Variants in VAV2 observed in about 807,000 individuals in gnomAD.
VAV2 encodes the protein vav guanine nucleotide exchange factor 2, also known as guanine nucleotide exchange factor VAV2.
A neutral mutation model predicts 132.5 loss-of-function variants in VAV2; 67 were observed. That is an observed-to-expected ratio of 0.51 (90% confidence interval 0.42 to 0.62). VAV2 has a LOEUF of 0.62. Ranked by LOEUF, VAV2 falls within the 20% of genes least tolerant of loss-of-function variation. The probability of loss-of-function intolerance (pLI) is 0.00; values close to 1 mark genes in which losing one functional copy is unlikely to be tolerated. For synonymous variants in VAV2, 492 were observed against 443.5 expected (o/e 1.11, Z -1.37); for missense variants, 938 against 1,153.6 (o/e 0.81, Z 2.71).
At chr9:133,893,689 C>G (rs1026224123) in intron 2 of VAV2, among the ~76,000 whole-genome samples, 1 of 152,206 alleles carries the variant, frequency 6.6e-6, no homozygotes, top group African/African-American at 2.4e-5. Flanking sequence ...AGCCTTCCTC[C>G]GTCGCCACAC....
Position 133,783,597 on chromosome 9 carries a change from C to A in VAV2, c.1635-6G>T. On this transcript the variant is annotated splice_region_variant and splice_polypyrimidine_tract_variant and intron_variant, in intron 18 of 29. Coordinates refer to ENST00000371850, the MANE Select transcript of VAV2 (RefSeq NM_001134398.2). ...ATCCCTGGTAGAAGGTGCCCCTGCA[C>A]AGGGGAGGGCAGGAGGTGAGGTCGA... 2 of 1,613,858 alleles carry A rather than the reference C, an allele frequency of 1.2e-6. No individual in the cohort carries two copies. Among genetic ancestry groups the A allele is most frequent in the Non-Finnish European group, 1.7e-6 (2 of 1,179,898 alleles).
intron 2 of VAV2, among the ~76,000 whole-genome samples, chr9:133,866,179 T>C (rs1837793510): frequency 6.6e-6 from 1 of 152,238 alleles, no homozygotes; most frequent in South Asian, 2.1e-4. Context: ...GGAGCCAAGC[T>C]GGCCTGGCTC....
At chr9:133,837,269 C>T (rs945214983) in intron 3 of VAV2, among the ~76,000 whole-genome samples, 1 of 152,218 alleles carries the variant, frequency 6.6e-6, no homozygotes, top group East Asian at 1.9e-4. Flanking sequence ...AGGGCACTTT[C>T]CACTGCCCAA....
chr9:133,797,391 G>A (rs1353994852), intron 10 of VAV2, among the ~76,000 whole-genome samples: 3 of 150,910 alleles, frequency 2.0e-5, no homozygotes, highest in Non-Finnish European at 4.4e-5. Flanking sequence ...CCAGCAAATG[G>A]CACCTGGGGC....
rs531006295 is a variant in VAV2, at chr9:133,786,261, T to C, written c.1423-376A>G. On this transcript the variant is annotated intron_variant, in intron 16 of 29. Transcript: ENST00000371850. ...AGTGTGCCCAGTGCTCCTGTGAGCA[T>C]GTGCACACACACACTTGTATCTGTC... Among the ~76,000 whole-genome samples, 6 of 152,362 alleles carry C rather than the reference T, an allele frequency of 3.9e-5. No individual in the cohort carries two copies. In the East Asian group the frequency reaches 1.2e-3, roughly 29 times the overall value.
intron 2 of VAV2, among the ~76,000 whole-genome samples, chr9:133,873,493 C>T (rs906184893): frequency 2.0e-5 from 3 of 152,220 alleles, no homozygotes; most frequent in African/African-American, 4.8e-5. Flanking sequence ...CACAGTGCTC[C>T]GGGCAGACGC....
chr9:133,808,972 G>T (rs1049982033), intron 7 of VAV2, 68 bp downstream of exon 7: 50 of 1,437,868 alleles, frequency 3.5e-5, no homozygotes, highest in Non-Finnish European at 4.7e-5. Flanking sequence ...GCACTCCCAG[G>T]AGATAGGTGG....
chr9:133,827,086 G>T (rs1240906377), intron 4 of VAV2, among the ~76,000 whole-genome samples: 1 of 152,188 alleles, frequency 6.6e-6, no homozygotes, highest in African/African-American at 2.4e-5. Flanking sequence ...GTGCCAGGAG[G>T]GGGACAGAGG....
chr9:133,931,302 G>A (rs560237361), intron 2 of VAV2, among the ~76,000 whole-genome samples: 5 of 152,344 alleles, frequency 3.3e-5, no homozygotes. Context: ...CCAGCAGCAG[G>A]AGGGGCTGAA....
rs1201519746 is a variant in VAV2, at chr9:133,822,555, A to AC, written c.450-10340dup. 4.6e-5 allele frequency among the ~76,000 whole-genome samples: 7 copies of AC among 152,252 alleles called. No homozygotes were observed. In the South Asian group the frequency reaches 1.5e-3, roughly 32 times the overall value. On this transcript the variant is annotated intron_variant, in intron 4 of 29. Transcript: ENST00000371850. Reference sequence around the variant, plus strand: ...TTCTCACACGCCCTGGCAGACCCTCACCACGACCCATGAGGGAGGGAGGCC... The same window carrying AC: ...TTCTCACACGCCCTGGCAGACCCTCACCCACGACCCATGAGGGAGGGAGGCC...
At position 133,770,415 on chromosome 9, in the gene VAV2, C is replaced by T; in HGVS notation, c.2310G>A (p.Arg770=). Residue 770 remains arginine, a synonymous_variant, in exon 27 of 30, where the codon CGG becomes CGA. Coordinates refer to ENST00000371850, the MANE Select transcript of VAV2 (RefSeq NM_001134398.2). ...TGGAGGCCCTGGAGGCCGAACGTTC[C>T]CGGGACTTGTAGGGGTACTTGAGTG... ...DTTLKYPYKS[R]ERSASRASSR... 1 of 1,614,158 alleles carries T rather than the reference C, an allele frequency of 6.2e-7. No homozygotes were observed. Among genetic ancestry groups the T allele is most frequent in the Non-Finnish European group, 8.5e-7 (1 of 1,179,990 alleles).
intron 13 of VAV2, among the ~76,000 whole-genome samples, chr9:133,790,998 C>G (rs1432247349): frequency 6.6e-6 from 1 of 152,144 alleles, no homozygotes; most frequent in Non-Finnish European, 1.5e-5. Flanking sequence ...GGGGGTGCTA[C>G]TGGTGTCTGG....
At chr9:133,990,451 G>C (rs770087285) in intron 1 of VAV2, among the ~76,000 whole-genome samples, 1 of 152,122 alleles carries the variant, frequency 6.6e-6, no homozygotes, top group Admixed American at 6.5e-5. Flanking sequence ...CCAAACCACA[G>C]CTGGGGAGGG....
rs1834984812 is a variant in VAV2 at position 133,802,758 on chromosome 9, C to T, written c.836+3323G>A. ...ATTTTCCTCATGGTATCACCTCTGC[C>T]TCCAGTCCACACAGCCCCAACCTCT... is the stretch of plus-strand genomic sequence containing the variant. On this transcript the variant is annotated intron_variant, in intron 9 of 29. Coordinates refer to ENST00000371850, the MANE Select transcript of VAV2 (RefSeq NM_001134398.2). The surrounding 1 kb of genome is among the most constrained non-coding windows in gnomAD (Gnocchi z 5.8). Among the ~76,000 whole-genome samples, 1 of 152,250 alleles carries T rather than the reference C, an allele frequency of 6.6e-6. No homozygotes were observed. Among genetic ancestry groups the T allele is most frequent in the Admixed American group, 6.5e-5 (1 of 15,288 alleles).
intron 4 of VAV2, among the ~76,000 whole-genome samples, chr9:133,832,559 C>CTT (rs770322150): frequency 1.9e-4 from 28 of 146,192 alleles, no homozygotes; most frequent in African/African-American, 6.2e-4. Context: ...TTGGAATTTT[C>CTT]TTTTTTTTTT....
intron 3 of VAV2, among the ~76,000 whole-genome samples, chr9:133,836,884 A>G (rs970415580): frequency 3.9e-5 from 6 of 152,216 alleles, no homozygotes; most frequent in Non-Finnish European, 8.8e-5. Context: ...TCACTCACCA[A>G]TCAAAGCTCT....
At chr9:133,778,634 C>T (rs924468573) in intron 22 of VAV2, 128 bp downstream of exon 22, 1 of 1,395,718 alleles carries the variant, frequency 7.2e-7, no homozygotes, top group Non-Finnish European at 9.5e-7. Context: ...CCTGTGCCTC[C>T]TCCTCCCTGG....
chr9:133,871,324 TGGATGGATGAATGGAGGGGC>T (rs1208963181), intron 2 of VAV2, among the ~76,000 whole-genome samples: 2 of 135,006 alleles, frequency 1.5e-5, no homozygotes. Context: ...GAATTGGGGG[TGGATGGATGAATGGAGGGGC>T]GGATGGACAG....
chr9:133,839,012 ATGGG>A lies in VAV2; in HGVS notation c.381-4676_381-4673del, dbSNP rs202102448. 5.8e-3 allele frequency among the ~76,000 whole-genome samples: 812 copies of A among 140,714 alleles called. 6 individuals carry two copies. Among genetic ancestry groups the A allele is most frequent in the African/African-American group, 0.02 (761 of 37,188 alleles). The allele number at this position is 140,714 out of a possible 152,430, so 92.3% of individuals were successfully genotyped here. A position where few individuals can be genotyped will look rare whatever the true frequency, so the allele number is the denominator to read the frequency against. On this transcript the variant is annotated intron_variant, in intron 3 of 29. Coordinates refer to ENST00000371850, the MANE Select transcript of VAV2 (RefSeq NM_001134398.2). ...GATGGATGGGTGGGTAGATGGATGG[ATGGG>A]TGGGTAGGTGGGTGGATGGATGAAA...
Sources: allele counts gnomAD v4.1 joint callset (sites outside exome capture counted in the v4.1 genomes callset), GRCh38; gene constraint gnomAD v4.1.1; non-coding constraint Gnocchi (gnomAD v3.1); transcripts MANE v1.5; gene names NCBI Gene and HGNC (gene_info 2026-07-23, HGNC 2026-07-21).